Variants in PDZD2 observed in about 807,000 individuals in gnomAD.
PDZD2 encodes PDZ domain-containing protein 2.
In PDZD2, 90 loss-of-function variants were observed where a neutral mutation model predicts 220.7. The ratio of observed to expected loss-of-function variants is 0.41; its 90% CI spans 0.34 to 0.49. PDZD2 has a LOEUF of 0.49. PDZD2 is among the 20% of genes least tolerant of loss of function. The pLI, the probability that PDZD2 is intolerant of heterozygous loss-of-function variation, is 0.28. For synonymous variants in PDZD2, 1,375 were observed against 1,450.5 expected (o/e 0.95, Z 1.18); for missense variants, 3,174 against 3,608.5 (o/e 0.88, Z 3.08).
intron 2 of PDZD2, among the ~76,000 whole-genome samples, chr5:31,898,808 C>CTTTTTTTTTTTTTTTTTTTTTTT (rs35589628): frequency 8.3e-4 from 102 of 123,406 alleles, no homozygotes; most frequent in Middle Eastern, 5.0e-3. Flanking sequence ...AGCCTCTCTT[C>CTTTTTTTTTTTTTTTTTTTTTTT]TTTTTTTTTT....
intron 1 of PDZD2, among the ~76,000 whole-genome samples, chr5:31,670,621 C>A (rs1746179190): frequency 6.6e-6 from 1 of 151,862 alleles, no homozygotes; most frequent in Non-Finnish European, 1.5e-5. Flanking sequence ...CGGGGTTTCA[C>A]CATGTTGGTC....
intron 4 of PDZD2, among the ~76,000 whole-genome samples, chr5:31,997,391 A>T (rs1341741731): frequency 6.6e-6 from 1 of 152,240 alleles, no homozygotes; most frequent in Non-Finnish European, 1.5e-5. Context: ...TTCTTTTATT[A>T]CAGAATAGGA....
chr5:31,689,353 A>ATATATATATTTT, intron 1 of PDZD2, among the ~76,000 whole-genome samples: 466 of 35,056 alleles, frequency 0.013, 17 homozygotes, highest in East Asian at 0.02. Context: ...ATATATATAT[A>ATATATATATTTT]TTTTTTTTTT....
chr5:31,699,234 G>A (rs1188941161), intron 1 of PDZD2, among the ~76,000 whole-genome samples: 1 of 152,142 alleles, frequency 6.6e-6, no homozygotes, highest in Non-Finnish European at 1.5e-5. Context: ...CAGGGAAAAA[G>A]AGGAGCATCT....
At chr5:32,085,470 G>A (rs811513) in intron 19 of PDZD2, among the ~76,000 whole-genome samples, 1 of 146,548 alleles carries the variant, frequency 6.8e-6, no homozygotes, top group Admixed American at 6.7e-5. Context: ...TTTTTGAGAC[G>A]GAGTCTTGCT....
intron 1 of PDZD2, among the ~76,000 whole-genome samples, chr5:31,665,644 T>G (rs200978158): frequency 1.7e-5 from 2 of 119,180 alleles, no homozygotes; most frequent in East Asian, 2.6e-4. Flanking sequence ...AAGTTCCCCC[T>G]CCCCCCCCTC....
intron 2 of PDZD2, among the ~76,000 whole-genome samples, chr5:31,900,176 A>G (rs1027988278): frequency 2.6e-5 from 4 of 152,150 alleles, no homozygotes; most frequent in African/African-American, 9.7e-5. Context: ...GTATCCTCAC[A>G]TGTATCCCCT....
chr5:31,882,116 A>G (rs1366483173), intron 2 of PDZD2, among the ~76,000 whole-genome samples: 2 of 152,188 alleles, frequency 1.3e-5, no homozygotes, highest in East Asian at 3.9e-4. Context: ...ATGGACCATC[A>G]TAACTGATAA....
intron 2 of PDZD2, chr5:31,847,424 A>G: frequency 1.9e-6 from 1 of 520,620 alleles, no homozygotes; most frequent in East Asian, 4.0e-5. Flanking sequence ...ATACAGGATG[A>G]GAGTTCGCGT....
chr5:31,841,557 C>T (rs1330908637), intron 2 of PDZD2, among the ~76,000 whole-genome samples: 1 of 152,122 alleles, frequency 6.6e-6, no homozygotes, highest in Admixed American at 6.6e-5. Flanking sequence ...CCTGTAGTCC[C>T]AGCTACTCTG....
intron 2 of PDZD2, among the ~76,000 whole-genome samples, chr5:31,803,680 A>C (rs1754538231): frequency 6.6e-6 from 1 of 151,952 alleles, no homozygotes; most frequent in African/African-American, 2.4e-5. Flanking sequence ...TATCTTTAGG[A>C]ATCAGCCACC....
At chr5:32,006,146 C>CAA (rs58241518) in intron 5 of PDZD2, among the ~76,000 whole-genome samples, 10,322 of 99,330 alleles carry the variant, frequency 0.1, 1,150 homozygotes, top group African/African-American at 0.29. Flanking sequence ...GACTCCACTT[C>CAA]AAAAAAAAAA....
intron 2 of PDZD2, among the ~76,000 whole-genome samples, chr5:31,949,612 G>T (rs1376035843): frequency 1.3e-5 from 2 of 150,820 alleles, no homozygotes; most frequent in African/African-American, 4.9e-5. Flanking sequence ...GTTCTTCGGG[G>T]TTAAGCACCT....
chr5:31,655,055 G>T (rs1373239676), intron 1 of PDZD2, among the ~76,000 whole-genome samples: 2 of 152,066 alleles, frequency 1.3e-5, no homozygotes, highest in Admixed American at 6.5e-5. Context: ...ACTTCCTTCA[G>T]GTCTGATTCA....
intron 1 of PDZD2, among the ~76,000 whole-genome samples, chr5:31,679,479 G>A (rs1341225003): frequency 6.6e-6 from 1 of 151,978 alleles, no homozygotes; most frequent in African/African-American, 2.4e-5. Context: ...GTTGTGGTGT[G>A]TTGTGTTGAG....
At chr5:31,703,508 G>A (rs1747685610) in intron 1 of PDZD2, among the ~76,000 whole-genome samples, 1 of 152,146 alleles carries the variant, frequency 6.6e-6, no homozygotes, top group Non-Finnish European at 1.5e-5. Flanking sequence ...GAGAGCATTA[G>A]GACAAATACC....
chr5:32,026,668 A>G (rs1754690154), intron 6 of PDZD2, among the ~76,000 whole-genome samples: 1 of 152,204 alleles, frequency 6.6e-6, no homozygotes, highest in African/African-American at 2.4e-5. Flanking sequence ...ACTGCTGAGA[A>G]ATGACCCAAG....
At chr5:31,977,603 C>CT (rs1183680023) in intron 2 of PDZD2, among the ~76,000 whole-genome samples, 1 of 152,204 alleles carries the variant, frequency 6.6e-6, no homozygotes, top group Non-Finnish European at 1.5e-5. Context: ...TTGCTCAAAA[C>CT]TTTCTTTGAG....
At chr5:31,823,256 G>A (rs1561486882) in intron 2 of PDZD2, 1 of 343,294 alleles carries the variant, frequency 2.9e-6, no homozygotes, top group Non-Finnish European at 5.5e-6. Context: ...CACGAGGTCA[G>A]GAGATCAAGA....
Sources: allele counts gnomAD v4.1 joint callset (sites outside exome capture counted in the v4.1 genomes callset), GRCh38; gene constraint gnomAD v4.1.1; transcripts MANE v1.5; gene names NCBI Gene and HGNC (gene_info 2026-07-23, HGNC 2026-07-21).